The following DGCR2 variants were observed in gnomAD, a reference collection of about 807,000 sequenced individuals.
DGCR2 encodes DiGeorge syndrome critical region gene 2.
DGCR2 carries 24 observed loss-of-function variants against 51.6 expected under a neutral mutation model. The ratio of observed to expected loss-of-function variants is 0.47; its 90% CI spans 0.34 to 0.65. The LOEUF is 0.65. DGCR2 is among the 30% of genes least tolerant of loss of function. DGCR2 has a pLI of 0.01. For missense variants in DGCR2, 765 were observed against 772.1 expected, an observed-to-expected ratio of 0.99 and a Z score of 0.11; for synonymous variants, 340 against 315.4, an observed-to-expected ratio of 1.08 and a Z score of -0.82.
chr22:19,114,128 C>T (rs2083348155), intron 1 of DGCR2, among the ~76,000 whole-genome samples: 1 of 147,320 alleles, frequency 6.8e-6, no homozygotes, highest in Admixed American at 6.7e-5. Flanking sequence ...TCCCACCTTT[C>T]CTCTCCATCT....
chr22:19,113,761 A>G (rs903068623), intron 1 of DGCR2, among the ~76,000 whole-genome samples: 1 of 152,116 alleles, frequency 6.6e-6, no homozygotes, highest in Non-Finnish European at 1.5e-5. Context: ...AAAGATTTCT[A>G]AAAAAGAATG....
chr22:19,091,859 G>A (rs894773283), intron 1 of DGCR2, among the ~76,000 whole-genome samples: 1 of 151,820 alleles, frequency 6.6e-6, no homozygotes, highest in Non-Finnish European at 1.5e-5. Flanking sequence ...AGAATCGCTT[G>A]AACCTGAAAA....
intron 1 of DGCR2, among the ~76,000 whole-genome samples, chr22:19,099,671 T>G (rs1411303195): frequency 6.6e-6 from 1 of 151,528 alleles, no homozygotes; most frequent in African/African-American, 2.4e-5. Flanking sequence ...ACAAAGTTGC[T>G]TAAAAACAGT....
intron 1 of DGCR2, among the ~76,000 whole-genome samples, chr22:19,104,418 G>A (rs2146039428): frequency 6.6e-6 from 1 of 152,326 alleles, no homozygotes; most frequent in East Asian, 1.9e-4. Context: ...AAATTACTGT[G>A]TGAAATTTAG....
chr22:19,039,218 GA>G, intron 9 of DGCR2, 97 bp from the exon 10 acceptor site: 1 of 1,489,026 alleles, frequency 6.7e-7, no homozygotes, highest in South Asian at 1.3e-5. Flanking sequence ...CCTCCTGCCT[GA>G]AGGCCCCCCT....
At chr22:19,075,948 G>A (rs2082870946) in intron 2 of DGCR2, among the ~76,000 whole-genome samples, 1 of 151,934 alleles carries the variant, frequency 6.6e-6, no homozygotes, top group African/African-American at 2.4e-5. Flanking sequence ...GAACTGCTAA[G>A]TTGTATGATA....
At chr22:19,048,106 C>T (rs112310120) in intron 7 of DGCR2, 6 of 355,862 alleles carry the variant, frequency 1.7e-5, no homozygotes, top group Middle Eastern at 8.6e-4. Context: ...GGCAGGAGAA[C>T]GGCTTAAACC....
rs566941577 is a variant in DGCR2 at position 19,039,396 on chromosome 22, A to G, written c.1397-275T>C. Among the ~76,000 whole-genome samples the G allele has an allele frequency of 5.9e-5, 9 of 152,340 alleles. No individual in the cohort carries two copies. The East Asian group carries it at 1.7e-3, about 29-fold the overall frequency. On this transcript the variant is annotated intron_variant, in intron 9 of 9. Coordinates refer to ENST00000263196, the MANE Select transcript of DGCR2 (RefSeq NM_005137.3). ...ACAAAGGCAGACACGGGCCTGTCCC[A>G]CCATCGGTGTGAGGTAGGGGAGACA...
intron 2 of DGCR2, among the ~76,000 whole-genome samples, chr22:19,086,591 C>T (rs1285180134): frequency 6.6e-6 from 1 of 152,160 alleles, no homozygotes; most frequent in African/African-American, 2.4e-5. Context: ...CTTGTCAGGG[C>T]AGTGGCCTCC....
intron 2 of DGCR2, among the ~76,000 whole-genome samples, chr22:19,071,139 G>C (rs1292907936): frequency 6.6e-6 from 1 of 152,208 alleles, no homozygotes; most frequent in South Asian, 2.1e-4. Flanking sequence ...CCTGGTGCAG[G>C]GGTCACTGTA....
intron 1 of DGCR2, among the ~76,000 whole-genome samples, chr22:19,099,258 T>C (rs1167991853): frequency 2.0e-5 from 3 of 152,180 alleles, no homozygotes; most frequent in Admixed American, 6.5e-5. Flanking sequence ...CAGGTCAAAC[T>C]GGCATTGCTT....
At chr22:19,096,664 T>C (rs188061741) in intron 1 of DGCR2, among the ~76,000 whole-genome samples, 1 of 152,154 alleles carries the variant, frequency 6.6e-6, no homozygotes, top group Admixed American at 6.5e-5. Context: ...TCCCAAACTA[T>C]ACTGAGAAAG....
intron 1 of DGCR2, among the ~76,000 whole-genome samples, chr22:19,095,898 G>A (rs565199655): frequency 7.2e-5 from 11 of 152,068 alleles, no homozygotes; most frequent in Admixed American, 2.6e-4. Context: ...CCCACCTAAC[G>A]TGCTTGCTTC....
intron 1 of DGCR2, among the ~76,000 whole-genome samples, chr22:19,119,041 T>C (rs986569961): frequency 1.3e-5 from 2 of 151,908 alleles, no homozygotes; most frequent in African/African-American, 4.8e-5. Flanking sequence ...AGAGGGTGAG[T>C]GGTTCTGTCC....
At chr22:19,076,141 T>TTTTTA (rs113824023) in intron 2 of DGCR2, among the ~76,000 whole-genome samples, 73,672 of 149,814 alleles carry the variant, frequency 0.49, 19,190 homozygotes, top group African/African-American at 0.68. Flanking sequence ...TGTATTTTTA[T>TTTTTA]TTTATTTATT....
intron 7 of DGCR2, 45 bp from the exon 8 acceptor site, chr22:19,042,004 C>A: frequency 6.3e-7 from 1 of 1,585,564 alleles, no homozygotes; most frequent in Non-Finnish European, 8.6e-7. Context: ...AGGGGGCCAC[C>A]CTCGTGCTAC....
rs753103730 is a variant in DGCR2 at position 19,122,248 on chromosome 22, A to C, written c.-42T>G. 7.0e-7 allele frequency: 1 copy of C among 1,419,696 alleles called. No homozygotes were observed. The highest frequency in any genetic ancestry group is 9.3e-7 in the Non-Finnish European group (1 of 1,071,808). 87.9% of individuals were successfully genotyped at this position (1,419,696 alleles called of 1,614,324 possible). A position where few individuals can be genotyped will look rare whatever the true frequency, so the allele number is the denominator to read the frequency against. On this transcript the variant is annotated 5_prime_UTR_variant, in exon 1 of 10. Coordinates refer to ENST00000263196, the MANE Select transcript of DGCR2 (RefSeq NM_005137.3). Reference sequence around the variant, plus strand: ...GTCCCCGGGGCGGCTGGAAGGCCGGACCAGGCCGGACTGAGGGTCAGGGGA... The same window carrying C: ...GTCCCCGGGGCGGCTGGAAGGCCGGCCCAGGCCGGACTGAGGGTCAGGGGA...
At chr22:19,062,666 A>C (rs1281420081) in intron 5 of DGCR2, among the ~76,000 whole-genome samples, 2 of 152,014 alleles carry the variant, frequency 1.3e-5, no homozygotes, top group Admixed American at 6.6e-5. Flanking sequence ...GGGCAAGCCA[A>C]GTCCGAGCCC....
In DGCR2 at chr22:19,113,805, T is replaced by A. The variant is rs1353757930; in HGVS notation, c.79+8323A>T. Among the ~76,000 whole-genome samples the A allele has an allele frequency of 2.0e-5, 3 of 152,286 alleles. No homozygotes were observed. The East Asian group carries it at 5.8e-4, about 29-fold the overall frequency. On this transcript the variant is annotated intron_variant, in intron 1 of 9. Coordinates refer to ENST00000263196, the MANE Select transcript of DGCR2 (RefSeq NM_005137.3). Reference sequence around the variant, plus strand: ...CAGGCACAGTGGCTCATGCCTGTAATCTCAGCACTTTGGGAGGCCAAGGCA... The same window carrying A: ...CAGGCACAGTGGCTCATGCCTGTAAACTCAGCACTTTGGGAGGCCAAGGCA...
Sources: gnomAD v4.1 joint callset for allele counts (sites outside exome capture counted in the v4.1 genomes callset) on GRCh38, gnomAD v4.1.1 for gene constraint, MANE v1.5 for transcripts, NCBI Gene and HGNC (gene_info 2026-07-23, HGNC 2026-07-21) for gene names.